Variants in MRO observed in about 807,000 individuals in gnomAD.
MRO encodes the protein maestro, also known as protein maestro.
In MRO, 28 loss-of-function variants were observed where a neutral mutation model predicts 31.0. The observed-to-expected ratio is 0.90, with a 90% CI of 0.67 to 1.24. MRO has a LOEUF of 1.24. MRO is among the 50% of genes most tolerant of loss of function. The probability of loss-of-function intolerance (pLI) is 0.00; values close to 1 mark genes in which losing one functional copy is unlikely to be tolerated. For missense variants in MRO, 332 were observed against 289.2 expected (o/e 1.15, Z -1.07); for synonymous variants, 108 against 108.4 (o/e 1.00, Z 0.02).
upstream of MRO, chr18:50,820,072 C>A (rs1436010276): frequency 4.9e-6 from 5 of 1,025,448 alleles, no homozygotes; most frequent in South Asian, 5.7e-5. Context: ...GTTCCCCATG[C>A]GGCCGCGAGA....
At position 50,806,844 on chromosome 18, in the gene MRO, A is replaced by C. The variant is rs746329805; in HGVS notation, c.106T>G (p.Trp36Gly). 5.0e-6 allele frequency: 8 copies of C among 1,614,070 alleles called. No homozygotes were observed. The highest frequency in any genetic ancestry group is 6.8e-6 in the Non-Finnish European group (8 of 1,180,018). Reference sequence around the variant, plus strand: ...TCCCGCTTCTGGAACCTCAGTTTCCAAGAGACCTGGGTGATGGGTCAAAAA... The same window carrying C: ...TCCCGCTTCTGGAACCTCAGTTTCCCAGAGACCTGGGTGATGGGTCAAAAA... ...SMISFFSKVSWKLRFQKREPL... is the reference protein window; with the variant it reads ...SMISFFSKVSGKLRFQKREPL... The change falls in exon 4 of 8, where the codon TGG (tryptophan) becomes GGG (glycine). Residue 36 changes from tryptophan to glycine, a missense_variant. By Grantham distance (184) the Trp-to-Gly change is radical (BLOSUM62 -2). Transcript: ENST00000398439.
At chr18:50,809,957 G>A (rs1822462) in intron 2 of MRO, among the ~76,000 whole-genome samples, 49,676 of 151,980 alleles carry the variant, frequency 0.33, 8,621 homozygotes, top group South Asian at 0.49. Context: ...GGTTTGGGCA[G>A]GGGAAGGGAG....
chr18:50,799,931 G>A, intron 7 of MRO, 105 bp downstream of exon 7: 1 of 775,800 alleles, frequency 1.3e-6, no homozygotes, highest in Admixed American at 2.4e-5. Flanking sequence ...GTTGGCCTGA[G>A]TCATTTTAAG....
At chr18:50,819,323 T>C (rs1047853546) in intron 2 of MRO, 2 of 591,476 alleles carry the variant, frequency 3.4e-6, no homozygotes, top group African/African-American at 4.0e-5. Flanking sequence ...GCCATTCTAT[T>C]ATATTGCTGA....
chr18:50,806,712 G>A lies in MRO; in HGVS notation c.238C>T (p.Pro80Ser). ...RNLGTMAYEA[P>S]DKVRKYKKIV... ...CCACTCTCCTTCCCTACCTTGTCAG[G>A]GGCTTCATAGGCCATGGTTCCCAAG... The change falls in exon 4 of 8, where the codon CCT becomes TCT. Residue 80 changes from proline (P) to serine (S), a missense_variant. Physicochemically the swap from Pro to Ser is moderately conservative, Grantham distance 74 (BLOSUM62 -1). Coordinates refer to ENST00000398439, the MANE Select transcript of MRO (RefSeq NM_031939.6). 6.2e-7 allele frequency: 1 copy of A among 1,614,072 alleles called. No individual in the cohort carries two copies.
intron 5 of MRO, among the ~76,000 whole-genome samples, chr18:50,804,768 C>T (rs1913738201): frequency 6.6e-6 from 1 of 152,170 alleles, no homozygotes; most frequent in Non-Finnish European, 1.5e-5. Flanking sequence ...CCCACAGCAA[C>T]AAACCACCCG....
intron 5 of MRO, among the ~76,000 whole-genome samples, chr18:50,804,544 T>C (rs1913718337): frequency 6.6e-6 from 1 of 152,048 alleles, no homozygotes; most frequent in Non-Finnish European, 1.5e-5. Context: ...GAGGATCAAT[T>C]GAGCCCAGAA....
At chr18:50,813,323 C>G (rs555809955) in intron 2 of MRO, among the ~76,000 whole-genome samples, 1 of 152,214 alleles carries the variant, frequency 6.6e-6, no homozygotes, top group Non-Finnish European at 1.5e-5. Context: ...AAACTGCACC[C>G]CCACCAATTA....
rs191410500 is a variant in MRO, at chr18:50,810,488, T to C, written c.-4-1084A>G. On this transcript the variant is annotated intron_variant, in intron 2 of 7. Coordinates refer to ENST00000398439, the MANE Select transcript of MRO (RefSeq NM_031939.6). ...TGCATATGCATAGGAGAAGGAAAAA[T>C]ACACAAGAAACATTAAGAGAGATGG... is the stretch of plus-strand genomic sequence containing the variant. 3.8e-3 allele frequency among the ~76,000 whole-genome samples: 582 copies of C among 152,076 alleles called. 6 individuals are homozygous for C. Among genetic ancestry groups the C allele is most frequent in the Non-Finnish European group, 2.6e-3 (180 of 67,988 alleles).
In MRO at chr18:50,799,369, G is replaced by A; in HGVS notation, c.715C>T (p.Leu239=). 1 of 1,614,080 alleles carries A rather than the reference G, an allele frequency of 6.2e-7. No individual in the cohort carries two copies. The highest frequency in any genetic ancestry group is 1.3e-5 in the African/African-American group (1 of 75,034). The change falls in exon 8 of 8, where the codon CTG becomes TTG. Residue 239 remains leucine (L), a synonymous_variant. Coordinates refer to ENST00000398439, the MANE Select transcript of MRO (RefSeq NM_031939.6). ...QQLSHYHPEI[L]QFFYANKIL is the part of the protein sequence containing the mutation. The stretch of plus-strand genomic sequence containing the variant: ...ATTTTATTTGCGTAGAAGAACTGCA[G>A]GATCTCTGGATGATAGTGGCTCTGA...
intron 6 of MRO, 148 bp from the exon 7 acceptor site, chr18:50,800,291 C>A: frequency 3.4e-6 from 2 of 592,452 alleles, no homozygotes; most frequent in Non-Finnish European, 5.8e-6. Flanking sequence ...AAATTTGAAT[C>A]TTAAAGGATG....
Position 50,801,383 on chromosome 18 carries a change from A to T in MRO, c.551T>A (p.Ile184Asn). The T allele has an allele frequency of 1.2e-6, 2 of 1,609,914 alleles. No individual in the cohort carries two copies. Among genetic ancestry groups the T allele is most frequent in the Non-Finnish European group, 1.7e-6 (2 of 1,177,540 alleles). ...CTGGGGATTTCTGTCCTGTAAATGG[A>T]TCAGGAGGGAATCTCGTGTCTGCTT... ...QVKQTRDSLLIHLQDRNPQVA... is the reference protein window; with the variant it reads ...QVKQTRDSLLNHLQDRNPQVA... The change falls in exon 6 of 8, where the codon ATC becomes AAC. Residue 184 changes from isoleucine to asparagine, a missense_variant. Physicochemically the swap from Ile to Asn is moderately radical, Grantham distance 149. Coordinates refer to ENST00000398439, the MANE Select transcript of MRO (RefSeq NM_031939.6).
At chr18:50,806,346 G>A (rs960486622) in intron 4 of MRO, among the ~76,000 whole-genome samples, 5 of 152,096 alleles carry the variant, frequency 3.3e-5, no homozygotes, top group Admixed American at 1.3e-4. Context: ...AGTGGCCCCC[G>A]GCATACAGCA....
At chr18:50,821,466 G>A (rs964058416), upstream of MRO, among the ~76,000 whole-genome samples, 3 of 152,082 alleles carry the variant, frequency 2.0e-5, no homozygotes, top group African/African-American at 2.4e-5. Flanking sequence ...AGGTTTATAC[G>A]GCCATAATCT....
At chr18:50,817,182 T>C (rs1182545587) in intron 2 of MRO, among the ~76,000 whole-genome samples, 1 of 152,156 alleles carries the variant, frequency 6.6e-6, no homozygotes, top group East Asian at 1.9e-4. Context: ...CTACCTCTTC[T>C]AGCAAACCCT....
At chr18:50,819,405 C>T in intron 2 of MRO, 176 bp downstream of exon 2, 4 of 984,246 alleles carry the variant, frequency 4.1e-6, no homozygotes, top group Non-Finnish European at 4.8e-6. Context: ...AATCAGCTTC[C>T]TGGTCAACAT....
chr18:50,800,003 G>A (rs1395797084), intron 7 of MRO, 33 bp downstream of exon 7: 1 of 1,517,704 alleles, frequency 6.6e-7, no homozygotes, highest in African/African-American at 1.4e-5. Context: ...GCAGGGACCG[G>A]AAAAGAATTC....
chr18:50,808,406 T>G (rs1914137241), intron 3 of MRO, among the ~76,000 whole-genome samples: 1 of 152,068 alleles, frequency 6.6e-6, no homozygotes, highest in South Asian at 2.1e-4. Context: ...ATTTCAAAGC[T>G]TCATTAGTAT....
Position 50,809,340 on chromosome 18 carries a change from T to C in MRO, c.61A>G (p.Lys21Glu). 6.2e-7 allele frequency: 1 copy of C among 1,613,794 alleles called. No homozygotes were observed. Among genetic ancestry groups the C allele is most frequent in the Non-Finnish European group, 8.5e-7 (1 of 1,179,894 alleles). Residue 21 changes from lysine to glutamate, a missense_variant, in exon 3 of 8, where the codon AAG becomes GAG. By Grantham distance (56) the Lys-to-Glu change is moderately conservative (BLOSUM62 1). Transcript: ENST00000398439. ...QPLSIPTSQP[K>E]QKRTSMISFF... Reference sequence around the variant, plus strand: ...GATATCATTGATGTCCTTTTCTGCTTGGGCTGGGAAGTAGGGATGGAAAGG... The same window carrying C: ...GATATCATTGATGTCCTTTTCTGCTCGGGCTGGGAAGTAGGGATGGAAAGG...
Sources: allele counts gnomAD v4.1 joint callset (sites outside exome capture counted in the v4.1 genomes callset), GRCh38; gene constraint gnomAD v4.1.1; transcripts MANE v1.5; gene names NCBI Gene and HGNC (gene_info 2026-07-23, HGNC 2026-07-21).